The following ATP6V1H variants were observed in gnomAD, a reference collection of about 807,000 sequenced individuals.
ATP6V1H encodes V-type proton ATPase subunit H.
A neutral mutation model predicts 71.7 loss-of-function variants in ATP6V1H; 39 were observed. That is an observed-to-expected ratio of 0.54 (90% CI 0.42 to 0.71). The LOEUF is 0.71. Ranked by LOEUF, ATP6V1H falls within the 30% of genes least tolerant of loss-of-function variation. The pLI, the probability that ATP6V1H is intolerant of heterozygous loss-of-function variation, is 0.00. For synonymous variants in ATP6V1H, 192 were observed against 199.3 expected, an observed-to-expected ratio of 0.96 and a Z score of 0.31; for missense variants, 509 against 594.9, an observed-to-expected ratio of 0.86 and a Z score of 1.50.
chr8:53,736,867 A>G (rs1807221735), intron 13 of ATP6V1H, among the ~76,000 whole-genome samples: 1 of 152,252 alleles, frequency 6.6e-6, no homozygotes, highest in African/African-American at 2.4e-5. Flanking sequence ...ATCAATAGTC[A>G]GACAGCCCAG....
chr8:53,799,631 C>A (rs533252037), intron 8 of ATP6V1H, among the ~76,000 whole-genome samples: 1 of 152,240 alleles, frequency 6.6e-6, no homozygotes, highest in South Asian at 2.1e-4. Context: ...ATGCTGAATT[C>A]CTACTGCTAT....
At chr8:53,822,849 G>A (rs1397757588) in intron 4 of ATP6V1H, among the ~76,000 whole-genome samples, 1 of 152,098 alleles carries the variant, frequency 6.6e-6, no homozygotes, top group East Asian at 1.9e-4. Context: ...TGCTATACCA[G>A]TATTAAAGTA....
intron 8 of ATP6V1H, among the ~76,000 whole-genome samples, chr8:53,797,644 G>A (rs1303899647): frequency 6.6e-6 from 1 of 151,986 alleles, no homozygotes; most frequent in African/African-American, 2.4e-5. Flanking sequence ...CCCACCTTAT[G>A]GGTGGTATCT....
intron 2 of ATP6V1H, among the ~76,000 whole-genome samples, chr8:53,840,845 A>G (rs921103596): frequency 4.6e-5 from 7 of 152,242 alleles, no homozygotes; most frequent in Admixed American, 3.9e-4. Flanking sequence ...TAAATATACC[A>G]AAATAAATAT....
chr8:53,747,861 A>T (rs1284518272), intron 12 of ATP6V1H, among the ~76,000 whole-genome samples: 1 of 151,702 alleles, frequency 6.6e-6, no homozygotes, highest in African/African-American at 2.4e-5. Context: ...CTAAGCACAG[A>T]AGTGGTGGGA....
chr8:53,770,814 C>A lies in ATP6V1H; in HGVS notation c.1050-1071G>T, dbSNP rs896815586. Among the ~76,000 whole-genome samples the A allele has an allele frequency of 2.0e-5, 3 of 152,150 alleles. No homozygotes were observed. In the East Asian group the frequency reaches 5.8e-4, roughly 29 times the overall value. On this transcript the variant is annotated intron_variant, in intron 10 of 13. Transcript: ENST00000359530. ...AAAAACAGGCCTTAAATGATTATTA[C>A]GGAGAACCAGTCATCAGTTTTTAAT...
At chr8:53,791,047 G>C (rs1809548489) in intron 9 of ATP6V1H, among the ~76,000 whole-genome samples, 1 of 151,244 alleles carries the variant, frequency 6.6e-6, no homozygotes, top group African/African-American at 2.4e-5. Context: ...AAAGGCTCCT[G>C]TGACAATGGT....
At chr8:53,825,334 CT>C (rs1810791330) in intron 4 of ATP6V1H, among the ~76,000 whole-genome samples, 1 of 151,998 alleles carries the variant, frequency 6.6e-6, no homozygotes, top group African/African-American at 2.4e-5. Context: ...ACTGCCAGGC[CT>C]TGTTTTGATT....
chr8:53,819,061 C>A (rs1810545938), intron 4 of ATP6V1H, among the ~76,000 whole-genome samples: 3 of 151,472 alleles, frequency 2.0e-5, no homozygotes, highest in Admixed American at 6.6e-5. Context: ...AAAAAATTAG[C>A]CAGGTGTGGT....
chr8:53,821,561 A>C (rs1169567042), intron 4 of ATP6V1H, among the ~76,000 whole-genome samples: 1 of 151,464 alleles, frequency 6.6e-6, no homozygotes, highest in African/African-American at 2.4e-5. Flanking sequence ...CACGCCTGTA[A>C]TACCAGCTAC....
chr8:53,765,517 G>T (rs1808428710), intron 11 of ATP6V1H, among the ~76,000 whole-genome samples: 1 of 119,688 alleles, frequency 8.4e-6, no homozygotes, highest in South Asian at 2.9e-4. Context: ...ATCAGCATTA[G>T]CACCAAAAAA....
At chr8:53,800,100 C>T (rs1255886279) in intron 8 of ATP6V1H, among the ~76,000 whole-genome samples, 5 of 152,078 alleles carry the variant, frequency 3.3e-5, no homozygotes, top group Non-Finnish European at 5.9e-5. Flanking sequence ...GATGGGTTTC[C>T]GGGACAGAAA....
chr8:53,735,286 C>T (rs773791976), intron 13 of ATP6V1H, among the ~76,000 whole-genome samples: 2 of 152,156 alleles, frequency 1.3e-5, no homozygotes, highest in South Asian at 2.1e-4. Flanking sequence ...TGTGCTTCTC[C>T]GAGATCTTAT....
At chr8:53,720,647 A>G (rs2130078097) in intron 13 of ATP6V1H, among the ~76,000 whole-genome samples, 1 of 152,384 alleles carries the variant, frequency 6.6e-6, no homozygotes, top group Admixed American at 6.5e-5. Context: ...GACACTGACT[A>G]TAATAGTGTT....
At chr8:53,799,045 A>G (rs1238988762) in intron 8 of ATP6V1H, among the ~76,000 whole-genome samples, 1 of 152,160 alleles carries the variant, frequency 6.6e-6, no homozygotes, top group Non-Finnish European at 1.5e-5. Flanking sequence ...AGAGATTGCT[A>G]TTTCATGACT....
chr8:53,756,069 C>CTTTTTTTTTTTTT (rs199967847), intron 12 of ATP6V1H, among the ~76,000 whole-genome samples: 1 of 96,580 alleles, frequency 1.0e-5, no homozygotes, highest in Non-Finnish European at 2.0e-5. Flanking sequence ...TTTTTCTTTT[C>CTTTTTTTTTTTTT]TTTTTTTTTT....
chr8:53,754,080 T>A (rs1365959687), intron 12 of ATP6V1H, among the ~76,000 whole-genome samples: 2 of 152,136 alleles, frequency 1.3e-5, no homozygotes, highest in African/African-American at 4.8e-5. Context: ...AACCCTGAAC[T>A]TAGAGAAACC....
chr8:53,820,296 A>AG (rs1554568895), intron 4 of ATP6V1H, among the ~76,000 whole-genome samples: 3 of 151,894 alleles, frequency 2.0e-5, no homozygotes, highest in Admixed American at 2.0e-4. Flanking sequence ...GTTTAAAAAA[A>AG]AAGAAGAAGA....
chr8:53,793,885 G>C (rs1809645256), intron 9 of ATP6V1H, among the ~76,000 whole-genome samples: 1 of 152,196 alleles, frequency 6.6e-6, no homozygotes, highest in South Asian at 2.1e-4. Context: ...GTTACAGTGA[G>C]CTGAGATTGC....
Sources: allele counts gnomAD v4.1 joint callset (sites outside exome capture counted in the v4.1 genomes callset), GRCh38; gene constraint gnomAD v4.1.1; transcripts MANE v1.5; gene names NCBI Gene and HGNC (gene_info 2026-07-23, HGNC 2026-07-21).